The following DSCAM variants were observed in gnomAD, a reference collection of about 807,000 sequenced individuals.
DSCAM encodes the protein cell adhesion molecule DSCAM.
In DSCAM, 47 loss-of-function variants were observed where a neutral mutation model predicts 217.7. The ratio of observed to expected loss-of-function variants is 0.22; its 90% CI spans 0.17 to 0.28. The LOEUF (loss-of-function observed/expected upper bound fraction) is 0.28. Among genes scored for constraint, DSCAM ranks in the 10% least tolerant of loss-of-function variants. The probability of loss-of-function intolerance (pLI) is 1.00; values close to 1 mark genes in which losing one functional copy is unlikely to be tolerated. For synonymous variants in DSCAM, 1,056 were observed against 1,015.3 expected (o/e 1.04, Z -0.76); for missense variants, 2,080 against 2,618.3 (o/e 0.79, Z 4.49).
At chr21:40,211,990 G>A (rs2091189588) in intron 11 of DSCAM, among the ~76,000 whole-genome samples, 1 of 151,664 alleles carries the variant, frequency 6.6e-6, no homozygotes, top group Non-Finnish European at 1.5e-5. Context: ...TGGGGGGTGG[G>A]AGGGAGTCTT....
chr21:40,419,808 G>C (rs1447834107), intron 3 of DSCAM, among the ~76,000 whole-genome samples: 1 of 152,034 alleles, frequency 6.6e-6, no homozygotes, highest in Non-Finnish European at 1.5e-5. Flanking sequence ...TCACATTATT[G>C]TTATTGGAAC....
chr21:40,761,926 C>T (rs982281544), intron 1 of DSCAM, among the ~76,000 whole-genome samples: 17 of 152,168 alleles, frequency 1.1e-4, no homozygotes, highest in African/African-American at 4.1e-4. Context: ...AACAAAGATA[C>T]AGTGTACCAG....
At chr21:40,229,299 A>T (rs2091359955) in intron 11 of DSCAM, among the ~76,000 whole-genome samples, 1 of 152,238 alleles carries the variant, frequency 6.6e-6, no homozygotes, top group Non-Finnish European at 1.5e-5. Context: ...ATTGATTTGC[A>T]CAGTCTCCAT....
intron 3 of DSCAM, among the ~76,000 whole-genome samples, chr21:40,493,215 A>C (rs1197217785): frequency 6.6e-6 from 1 of 152,188 alleles, no homozygotes; most frequent in Non-Finnish European, 1.5e-5. Flanking sequence ...AAAATTTTAC[A>C]TTTTTAAATA....
intron 3 of DSCAM, among the ~76,000 whole-genome samples, chr21:40,628,132 C>A (rs147718165): frequency 6.6e-6 from 1 of 152,164 alleles, no homozygotes; most frequent in East Asian, 1.9e-4. Context: ...AAAAGATCAT[C>A]CATAAAATGA....
chr21:40,264,348 A>T (rs983567826), intron 11 of DSCAM, among the ~76,000 whole-genome samples: 4 of 152,162 alleles, frequency 2.6e-5, no homozygotes, highest in Non-Finnish European at 4.4e-5. Flanking sequence ...ATCCAATAGC[A>T]CATCAAAAAA....
intron 3 of DSCAM, among the ~76,000 whole-genome samples, chr21:40,641,194 G>T (rs919765600): frequency 6.6e-6 from 1 of 152,058 alleles, no homozygotes; most frequent in South Asian, 2.1e-4. Flanking sequence ...GATAAACAGA[G>T]CGCATGGCAG....
chr21:40,659,383 A>C (rs2090112317), intron 3 of DSCAM, among the ~76,000 whole-genome samples: 1 of 127,348 alleles, frequency 7.9e-6, no homozygotes. Flanking sequence ...CTATCTATCT[A>C]TCTATCTATC....
chr21:40,265,123 C>T (rs779321144), intron 11 of DSCAM, among the ~76,000 whole-genome samples: 1 of 151,194 alleles, frequency 6.6e-6, no homozygotes, highest in Non-Finnish European at 1.5e-5. Context: ...AACCAGGTGG[C>T]AGAGGTTGCA....
intron 11 of DSCAM, among the ~76,000 whole-genome samples, chr21:40,256,450 C>A (rs1228850058): frequency 6.8e-6 from 1 of 148,084 alleles, no homozygotes. Context: ...CACACACAGA[C>A]AGACACACAC....
intron 2 of DSCAM, among the ~76,000 whole-genome samples, chr21:40,694,998 C>T (rs1201645785): frequency 1.3e-5 from 2 of 152,076 alleles, no homozygotes; most frequent in Non-Finnish European, 2.9e-5. Flanking sequence ...GAGAGTCTAC[C>T]GTCACAGGAA....
At chr21:40,434,598 A>AT (rs1399018157) in intron 3 of DSCAM, among the ~76,000 whole-genome samples, 1 of 152,140 alleles carries the variant, frequency 6.6e-6, no homozygotes, top group African/African-American at 2.4e-5. Flanking sequence ...AAGGTGAGCA[A>AT]TTTTCCTAAT....
chr21:40,832,577 C>T (rs2092020663), intron 1 of DSCAM, among the ~76,000 whole-genome samples: 1 of 152,124 alleles, frequency 6.6e-6, no homozygotes, highest in Non-Finnish European at 1.5e-5. Flanking sequence ...TATATGGTAT[C>T]ATCGTGTGAC....
intron 16 of DSCAM, among the ~76,000 whole-genome samples, chr21:40,166,028 C>A (rs999893018): frequency 6.6e-6 from 1 of 152,142 alleles, no homozygotes; most frequent in African/African-American, 2.4e-5. Context: ...TCATTGGCTG[C>A]GGTTGAGAAA....
In DSCAM at chr21:40,179,871, G is replaced by C. The variant is rs1026004684; in HGVS notation, c.2780-777C>G. ...TGGTTCTTATATCAAAAGAGTTTGG[G>C]CAGTTGTTGACTGTAGGTGTGTGGT... On this transcript the variant is annotated intron_variant, in intron 14 of 32. Coordinates refer to ENST00000400454, the MANE Select transcript of DSCAM (RefSeq NM_001389.5). Among the ~76,000 whole-genome samples the C allele has an allele frequency of 2.0e-5, 3 of 152,202 alleles. No homozygotes were observed. The East Asian group carries it at 5.8e-4, about 29-fold the overall frequency.
At chr21:40,445,955 A>G (rs556214589) in intron 3 of DSCAM, among the ~76,000 whole-genome samples, 15 of 152,228 alleles carry the variant, frequency 9.9e-5, no homozygotes, top group Non-Finnish European at 2.2e-4. Context: ...TATTAGAAAA[A>G]TATGTGCATA....
rs371431063 is a variant in DSCAM, at chr21:40,559,377, A to G, written c.508+133433T>C. The stretch of plus-strand genomic sequence containing the variant: ...GGAGGCTGAGGCAGAAGAATAGCGT[A>G]AACCCGGGGGGTGGAGCTTGCAGTG... On this transcript the variant is annotated intron_variant, in intron 3 of 32. Coordinates refer to ENST00000400454, the MANE Select transcript of DSCAM (RefSeq NM_001389.5). Among the ~76,000 whole-genome samples, 377 of 152,034 alleles carry G rather than the reference A, an allele frequency of 2.5e-3. 1 individual carries two copies. The highest frequency in any genetic ancestry group is 4.2e-3 in the Non-Finnish European group (282 of 67,950).
chr21:40,810,125 C>A (rs2091825177), intron 1 of DSCAM, among the ~76,000 whole-genome samples: 1 of 152,214 alleles, frequency 6.6e-6, no homozygotes, highest in Non-Finnish European at 1.5e-5. Flanking sequence ...AAGAAGAGGG[C>A]TGGAGCTGCT....
chr21:40,689,562 T>C (rs1487512137), intron 3 of DSCAM, among the ~76,000 whole-genome samples: 3 of 152,200 alleles, frequency 2.0e-5, no homozygotes, highest in African/African-American at 7.2e-5. Flanking sequence ...AGTAAGATAC[T>C]TACACAGGCT....
Sources: allele counts gnomAD v4.1 joint callset (sites outside exome capture counted in the v4.1 genomes callset), GRCh38; gene constraint gnomAD v4.1.1; transcripts MANE v1.5; gene names NCBI Gene and HGNC (gene_info 2026-07-23, HGNC 2026-07-21).